The following SLC25A24 variants were observed in gnomAD, a reference collection of about 807,000 sequenced individuals.
SLC25A24 encodes the protein mitochondrial adenyl nucleotide antiporter SLC25A24.
A neutral mutation model predicts 60.7 loss-of-function variants in SLC25A24; 49 were observed. The observed-to-expected ratio is 0.81, with a 90% CI of 0.64 to 1.02. The LOEUF is 1.02. Among genes scored for constraint, SLC25A24 ranks in the 50% least tolerant of loss-of-function variants. SLC25A24 has a pLI of 0.00. For missense variants in SLC25A24, 564 were observed against 586.3 expected, an observed-to-expected ratio of 0.96 and a Z score of 0.39; for synonymous variants, 202 against 200.6, an observed-to-expected ratio of 1.01 and a Z score of -0.06.
chr1:108,179,333 T>C (rs901526801), intron 3 of SLC25A24, among the ~76,000 whole-genome samples: 1 of 151,922 alleles, frequency 6.6e-6, no homozygotes, highest in African/African-American at 2.4e-5. Context: ...CAGTATGGAG[T>C]TCCTTTAAAA....
chr1:108,169,127 G>T (rs829005), intron 3 of SLC25A24, among the ~76,000 whole-genome samples: 30,298 of 152,066 alleles, frequency 0.2, 3,158 homozygotes, highest in Admixed American at 0.22. Context: ...CCAAAATATG[G>T]ATGGGTCTGT....
intron 3 of SLC25A24, among the ~76,000 whole-genome samples, chr1:108,163,700 A>G (rs1472690944): frequency 2.6e-5 from 4 of 151,352 alleles, no homozygotes; most frequent in Non-Finnish European, 5.9e-5. Flanking sequence ...GGCTGAGACA[A>G]TGGGGTTTTC....
At chr1:108,180,616 ATCTCTCTCTC>A (rs3043349) in intron 3 of SLC25A24, among the ~76,000 whole-genome samples, 7,836 of 61,328 alleles carry the variant, frequency 0.13, 280 homozygotes, top group Non-Finnish European at 0.17. Context: ...CAAGAGAAAG[ATCTCTCTCTC>A]TCTCTCTCTC....
At chr1:108,174,732 G>T (rs975705341) in intron 3 of SLC25A24, among the ~76,000 whole-genome samples, 3 of 152,198 alleles carry the variant, frequency 2.0e-5, no homozygotes, top group Non-Finnish European at 4.4e-5. Context: ...GAGTGCAGAT[G>T]CCCAAGGCCA....
At chr1:108,147,201 T>C (rs1254030342) in intron 7 of SLC25A24, among the ~76,000 whole-genome samples, 4 of 152,230 alleles carry the variant, frequency 2.6e-5, no homozygotes, top group East Asian at 3.8e-4. Context: ...TTTATTTGCA[T>C]AGAGGTGTTT....
Position 108,185,826 on chromosome 1 carries a change from A to C in SLC25A24, c.310+2T>G, listed in dbSNP as rs1169388349. 3 of 1,583,748 alleles carry C rather than the reference A, an allele frequency of 1.9e-6. No homozygotes were observed. Among genetic ancestry groups the C allele is most frequent in the Non-Finnish European group, 1.7e-6 (2 of 1,158,828 alleles). On this transcript the variant is annotated splice_donor_variant, in intron 2 of 9. Coordinates refer to ENST00000565488, the MANE Select transcript of SLC25A24 (RefSeq NM_013386.5). LOFTEE classifies it high-confidence loss of function. Reference sequence around the variant, plus strand: ...GGTGATAAATACAAAAGAAAGACACACCATCATTATTTTTGTCTAAACTCT... The same window carrying C: ...GGTGATAAATACAAAAGAAAGACACCCCATCATTATTTTTGTCTAAACTCT...
intron 6 of SLC25A24, among the ~76,000 whole-genome samples, chr1:108,153,787 C>G (rs963118352): frequency 2.6e-5 from 4 of 152,178 alleles, no homozygotes; most frequent in African/African-American, 9.7e-5. Context: ...AGGTAAGAAT[C>G]TGACAAATGG....
At chr1:108,151,116 A>G (rs1045117569) in intron 6 of SLC25A24, among the ~76,000 whole-genome samples, 19 of 152,032 alleles carry the variant, frequency 1.2e-4, no homozygotes, top group Non-Finnish European at 2.4e-4. Context: ...CAGAAGAATC[A>G]CTTGAACCTA....
chr1:108,147,256 T>C (rs956231918), intron 7 of SLC25A24, among the ~76,000 whole-genome samples: 1 of 152,234 alleles, frequency 6.6e-6, no homozygotes, highest in African/African-American at 2.4e-5. Flanking sequence ...GGATTGGTGG[T>C]GATATCCCCT....
chr1:108,151,218 C>A (rs1226080334), intron 6 of SLC25A24, among the ~76,000 whole-genome samples: 1 of 151,798 alleles, frequency 6.6e-6, no homozygotes, highest in African/African-American at 2.4e-5. Context: ...AACAAACATA[C>A]AAACAGAAAA....
intron 7 of SLC25A24, among the ~76,000 whole-genome samples, chr1:108,147,388 G>C (rs1679633485): frequency 6.6e-6 from 1 of 152,056 alleles, no homozygotes; most frequent in Non-Finnish European, 1.5e-5. Context: ...TTTTTGGAAG[G>C]GTTTTTCGTG....
Position 108,192,832 on chromosome 1 carries a change from G to T in SLC25A24, c.184-6878C>A, listed in dbSNP as rs903800484. The T allele has an allele frequency of 2.6e-5, 30 of 1,166,978 alleles. 5 individuals are homozygous for T. The highest frequency in any genetic ancestry group is 3.3e-5 in the Non-Finnish European group (30 of 922,574). The allele number at this position is 1,166,978 out of a possible 1,614,324, so 72.3% of individuals were successfully genotyped here. A position where few individuals can be genotyped will look rare whatever the true frequency, so the allele number is the denominator to read the frequency against. On this transcript the variant is annotated intron_variant, in intron 1 of 9. Transcript: ENST00000565488. Reference sequence around the variant, plus strand: ...CCTAACGGCTTCAGCGCAAAGGCGCGAGCGCGCAGGACCCGGGACCTGCGT... The same window carrying T: ...CCTAACGGCTTCAGCGCAAAGGCGCTAGCGCGCAGGACCCGGGACCTGCGT...
chr1:108,136,734 G>C lies in SLC25A24; in HGVS notation c.1353C>G (p.Phe451Leu). 6.2e-7 allele frequency: 1 copy of C among 1,614,112 alleles called. No individual in the cohort carries two copies. The highest frequency in any genetic ancestry group is 8.5e-7 in the Non-Finnish European group (1 of 1,179,958). The change falls in exon 10 of 10, where the codon TTC (phenylalanine) becomes TTG (leucine). Residue 451 changes from phenylalanine (F) to leucine (L), a missense_variant. Phe to Leu is a conservative substitution (Grantham distance 22, BLOSUM62 0). Coordinates refer to ENST00000565488, the MANE Select transcript of SLC25A24 (RefSeq NM_013386.5). Reference protein sequence around the residue: ...PGLYRGITPNFMKVLPAVGIS... With the variant: ...PGLYRGITPNLMKVLPAVGIS... ...TGCCTACAGCAGGGAGCACCTTCAT[G>C]AAGTTTGGGGTGATGCCTCTGTAAA... is the stretch of plus-strand genomic sequence containing the variant.
intron 7 of SLC25A24, among the ~76,000 whole-genome samples, chr1:108,144,051 T>C (rs1262606456): frequency 1.3e-5 from 2 of 152,248 alleles, no homozygotes; most frequent in East Asian, 3.9e-4. Context: ...ACTTCTAGCT[T>C]GGAACACAGG....
At chr1:108,155,676 T>A (rs1205148873) in intron 5 of SLC25A24, among the ~76,000 whole-genome samples, 1 of 152,142 alleles carries the variant, frequency 6.6e-6, no homozygotes, top group African/African-American at 2.4e-5. Flanking sequence ...AACACTGGAA[T>A]GCATACAGCC....
Position 108,136,352 on chromosome 1 carries a change from A to C in SLC25A24, c.*301T>G, listed in dbSNP as rs1475677473. On this transcript the variant is annotated 3_prime_UTR_variant, in exon 10 of 10. Coordinates refer to ENST00000565488, the MANE Select transcript of SLC25A24 (RefSeq NM_013386.5). ...ATTTATAACTCTAACACACAAAACA[A>C]ATTTTGTTCAAGCCAGTACATTTTC... The C allele has an allele frequency of 4.6e-6, 1 of 215,274 alleles. No individual in the cohort carries two copies. The highest frequency in any genetic ancestry group is 9.1e-6 in the Non-Finnish European group (1 of 109,884). 13.3% of individuals were successfully genotyped at this position (215,274 alleles called of 1,614,324 possible).
intron 3 of SLC25A24, among the ~76,000 whole-genome samples, chr1:108,161,541 C>T (rs1374907479): frequency 6.6e-6 from 1 of 152,172 alleles, no homozygotes; most frequent in Non-Finnish European, 1.5e-5. Context: ...ATACTTTCAG[C>T]ACTCTGTCAA....
chr1:108,191,730 G>T (rs1323994434), intron 1 of SLC25A24, among the ~76,000 whole-genome samples: 1 of 139,756 alleles, frequency 7.2e-6, no homozygotes. Context: ...TGGGCACGAA[G>T]TACCAATTAT....
intron 3 of SLC25A24, among the ~76,000 whole-genome samples, chr1:108,168,990 G>A (rs1056215916): frequency 6.6e-6 from 1 of 152,098 alleles, no homozygotes; most frequent in Admixed American, 6.6e-5. Flanking sequence ...GTTTAGGTTG[G>A]TGTTTGTGTA....
Sources: gnomAD v4.1 joint callset for allele counts (sites outside exome capture counted in the v4.1 genomes callset) on GRCh38, gnomAD v4.1.1 for gene constraint, MANE v1.5 for transcripts, NCBI Gene and HGNC (gene_info 2026-07-23, HGNC 2026-07-21) for gene names.